The following PIK3CA variants were observed in gnomAD, a reference collection of about 807,000 sequenced individuals.
PIK3CA encodes phosphatidylinositol 4,5-bisphosphate 3-kinase catalytic subunit alpha isoform.
PIK3CA carries 27 observed loss-of-function variants against 138.2 expected under a neutral mutation model. The observed-to-expected ratio is 0.20, with a 90% CI of 0.14 to 0.27. PIK3CA has a LOEUF of 0.27. Ranked by LOEUF, PIK3CA falls within the 10% of genes least tolerant of loss-of-function variation. The pLI is 1.00. For missense variants in PIK3CA, 544 were observed against 1,277.4 expected (o/e 0.43, Z 8.75); for synonymous variants, 358 against 413.2 (o/e 0.87, Z 1.62).
chr3:179,227,588 AGTTTT>A (rs1725113043), intron 17 of PIK3CA, among the ~76,000 whole-genome samples: 1 of 152,050 alleles, frequency 6.6e-6, no homozygotes, highest in Non-Finnish European at 1.5e-5. Context: ...ACTCATCATT[AGTTTT>A]AAGAGTTTAC....
intron 6 of PIK3CA, among the ~76,000 whole-genome samples, chr3:179,206,019 C>T (rs2677764): frequency 0.069 from 10,463 of 151,626 alleles, 451 homozygotes; most frequent in Non-Finnish European, 0.099. Flanking sequence ...CTACCTAAAC[C>T]ACTGTAGGTC....
chr3:179,223,447 A>G (rs576153190), intron 14 of PIK3CA, among the ~76,000 whole-genome samples: 1 of 152,302 alleles, frequency 6.6e-6, no homozygotes, highest in South Asian at 2.1e-4. Context: ...TGAATATAGT[A>G]TGAGACTCCA....
At chr3:179,189,507 C>T (rs928163099) in intron 1 of PIK3CA, among the ~76,000 whole-genome samples, 9 of 151,706 alleles carry the variant, frequency 5.9e-5, no homozygotes, top group Admixed American at 6.6e-5. Flanking sequence ...TTCTTTTAAC[C>T]CAACCTTGGT....
At chr3:179,209,462 G>A in intron 6 of PIK3CA, 133 bp from the exon 7 acceptor site, 1 of 513,476 alleles carries the variant, frequency 1.9e-6, no homozygotes, top group East Asian at 3.0e-5. Flanking sequence ...ACCTTATAAA[G>A]TGCCTTTTCC....
At chr3:179,210,858 T>C (rs754985544) in intron 9 of PIK3CA, among the ~76,000 whole-genome samples, 33 of 152,240 alleles carry the variant, frequency 2.2e-4, no homozygotes, top group Admixed American at 1.1e-3. Flanking sequence ...CAGACCTTCA[T>C]TGAGTATGCA....
At chr3:179,222,904 A>G (rs1357416703) in intron 14 of PIK3CA, among the ~76,000 whole-genome samples, 2 of 152,258 alleles carry the variant, frequency 1.3e-5, no homozygotes, top group Non-Finnish European at 2.9e-5. Context: ...GTTGGAGACC[A>G]TCTGTGTAGG....
intron 1 of PIK3CA, among the ~76,000 whole-genome samples, chr3:179,149,948 T>C (rs1345237192): frequency 2.0e-5 from 3 of 152,210 alleles, no homozygotes. Flanking sequence ...CAAAACACTT[T>C]GCTTTCAAAG....
intron 1 of PIK3CA, among the ~76,000 whole-genome samples, chr3:179,192,774 G>A (rs1560134984): frequency 6.6e-6 from 1 of 152,228 alleles, no homozygotes; most frequent in Non-Finnish European, 1.5e-5. Flanking sequence ...CAAGTGGTGA[G>A]TTGGATTTGG....
chr3:179,213,897 C>T (rs1300028460), intron 9 of PIK3CA, among the ~76,000 whole-genome samples: 1 of 152,266 alleles, frequency 6.6e-6, no homozygotes, highest in African/African-American at 2.4e-5. Flanking sequence ...CTTGCAGCAG[C>T]TTCTCCATCA....
chr3:179,153,820 G>A (rs1049765275), intron 1 of PIK3CA, among the ~76,000 whole-genome samples: 3 of 19,044 alleles, frequency 1.6e-4, no homozygotes, highest in East Asian at 0.062. Context: ...ATTAAAAACT[G>A]TGGATGGGGG....
intron 1 of PIK3CA, among the ~76,000 whole-genome samples, chr3:179,195,012 C>CAAA (rs11316257): frequency 2.1e-5 from 2 of 96,048 alleles, no homozygotes; most frequent in African/African-American, 3.5e-5. Context: ...AGGTACTTCT[C>CAAA]AAAAAAAAAA....
chr3:179,198,864 C>T lies in PIK3CA; in HGVS notation c.39C>T (p.Ile13=), dbSNP rs2108385099. 6.3e-7 allele frequency: 1 copy of T among 1,581,652 alleles called. No individual in the cohort carries two copies. Among genetic ancestry groups the T allele is most frequent in the Non-Finnish European group, 8.6e-7 (1 of 1,167,726 alleles). ...PRPSSGELWG[I]HLMPPRILVE... ...CATCATCAGGTGAACTGTGGGGCAT[C>T]CACTTGATGCCCCCAAGAATCCTAG... The change falls in exon 2 of 21, where the codon ATC becomes ATT. Residue 13 remains isoleucine (I), a synonymous_variant. Coordinates refer to ENST00000263967, the MANE Select transcript of PIK3CA (RefSeq NM_006218.4).
intron 7 of PIK3CA, 105 bp downstream of exon 7, chr3:179,209,805 A>C: frequency 1.9e-6 from 1 of 534,606 alleles, no homozygotes; most frequent in Non-Finnish European, 3.2e-6. Flanking sequence ...ATTTAAGAAA[A>C]TAATAATAAA....
At position 179,199,837 on chromosome 3, in the gene PIK3CA, A is replaced by G. The variant is rs761264437; in HGVS notation, c.500A>G (p.Tyr167Cys). The G allele has an allele frequency of 1.9e-6, 3 of 1,612,928 alleles. No individual in the cohort carries two copies. The highest frequency in any genetic ancestry group is 2.5e-6 in the Non-Finnish European group (3 of 1,179,016). ...NSPHSRAMYV[Y>C]PPNVESSPEL... Reference sequence around the variant, plus strand: ...CCTCATAGTAGAGCAATGTATGTCTATCCTCCAAATGTAGAATCTTCACCA... The same window carrying G: ...CCTCATAGTAGAGCAATGTATGTCTGTCCTCCAAATGTAGAATCTTCACCA... Residue 167 changes from tyrosine (Y) to cysteine (C), a missense_variant, in exon 3 of 21, where the codon TAT becomes TGT. Tyr to Cys is a radical substitution (Grantham distance 194). Transcript: ENST00000263967.
At chr3:179,188,800 A>G (rs1724054840) in intron 1 of PIK3CA, among the ~76,000 whole-genome samples, 1 of 152,188 alleles carries the variant, frequency 6.6e-6, no homozygotes, top group Non-Finnish European at 1.5e-5. Context: ...CATTAAGTAC[A>G]TTTGCCTTTT....
chr3:179,230,587 C>A lies in PIK3CA; in HGVS notation c.2936+211C>A, dbSNP rs879883084. ...TGGGTAACATAGAGAGAATTCATGT[C>A]TACAAAAAAATTTAAAAAGTAGCCA... On this transcript the variant is annotated intron_variant, in intron 20 of 20. Coordinates refer to ENST00000263967, the MANE Select transcript of PIK3CA (RefSeq NM_006218.4). This position sits in a 1 kb window ranked among gnomAD's most constrained non-coding sequence, Gnocchi z 5.4. 6.6e-6 allele frequency among the ~76,000 whole-genome samples: 1 copy of A among 151,906 alleles called. No individual in the cohort carries two copies. Among genetic ancestry groups the A allele is most frequent in the Non-Finnish European group, 1.5e-5 (1 of 67,976 alleles).
At chr3:179,224,611 G>A (rs1489363290) in intron 15 of PIK3CA, 89 bp from the exon 16 acceptor site, 1 of 804,526 alleles carries the variant, frequency 1.2e-6, no homozygotes, top group African/African-American at 1.8e-5. Flanking sequence ...ACTTCAAAAA[G>A]CTATATTGTA....
At chr3:179,155,215 CAGG>C (rs1304227030) in intron 1 of PIK3CA, among the ~76,000 whole-genome samples, 4 of 152,142 alleles carry the variant, frequency 2.6e-5, no homozygotes, top group Non-Finnish European at 5.9e-5. Context: ...TGTTTTTGAA[CAGG>C]AGGAGACAAT....
At chr3:179,150,507 A>T (rs890749738) in intron 1 of PIK3CA, among the ~76,000 whole-genome samples, 40 of 152,346 alleles carry the variant, frequency 2.6e-4, no homozygotes, top group African/African-American at 8.9e-4. Flanking sequence ...AGGTTAAAAA[A>T]ATTTAACTAA....
Sources: gnomAD v4.1 joint callset for allele counts (sites outside exome capture counted in the v4.1 genomes callset) on GRCh38, gnomAD v4.1.1 for gene constraint, Gnocchi (gnomAD v3.1) non-coding constraint, MANE v1.5 for transcripts, NCBI Gene and HGNC (gene_info 2026-07-23, HGNC 2026-07-21) for gene names.